Variants in ZFHX3 observed in about 807,000 individuals in gnomAD.
ZFHX3 encodes the protein zinc finger homeobox protein 3.
Under a neutral mutation model 279.1 loss-of-function variants are expected in ZFHX3, and 42 were observed. That is an observed-to-expected ratio of 0.15 (90% CI 0.12 to 0.19). The LOEUF (loss-of-function observed/expected upper bound fraction) is 0.19, where lower values mean the gene tolerates loss of function less well. ZFHX3 is among the 10% of genes least tolerant of loss of function. The pLI is 1.00. For synonymous variants in ZFHX3, 2,293 were observed against 1,957.8 expected, an observed-to-expected ratio of 1.17 and a Z score of -4.52; for missense variants, 4,981 against 4,754.0, an observed-to-expected ratio of 1.05 and a Z score of -1.40.
At chr16:73,441,525 C>G (rs1452750437) in intron 3 of ZFHX3, among the ~76,000 whole-genome samples, 2 of 152,184 alleles carry the variant, frequency 1.3e-5, no homozygotes, top group Admixed American at 1.3e-4. Context: ...AGCCCAAAAC[C>G]TGCCTCCCAA....
intron 4 of ZFHX3, among the ~76,000 whole-genome samples, chr16:72,878,170 T>C (rs922455923): frequency 2.0e-5 from 3 of 152,050 alleles, no homozygotes; most frequent in Non-Finnish European, 4.4e-5. Flanking sequence ...GTAAAGACCC[T>C]GTCTCTACAA....
At chr16:73,839,519 A>AAAAATC (rs1410679121) in intron 1 of ZFHX3, among the ~76,000 whole-genome samples, 2 of 152,112 alleles carry the variant, frequency 1.3e-5, no homozygotes, top group African/African-American at 4.8e-5. Flanking sequence ...ACTATGATGA[A>AAAAATC]AAAATCAAAT....
intron 1 of ZFHX3, among the ~76,000 whole-genome samples, chr16:73,730,821 A>G (rs1279421426): frequency 1.3e-5 from 2 of 152,202 alleles, no homozygotes; most frequent in East Asian, 3.9e-4. Flanking sequence ...GAGTGCAAGT[A>G]AGACAAGGGA....
At chr16:72,908,898 A>G (rs58787874) in intron 3 of ZFHX3, among the ~76,000 whole-genome samples, 1 of 152,224 alleles carries the variant, frequency 6.6e-6, no homozygotes, top group Non-Finnish European at 1.5e-5. Context: ...TTGAGAAAGC[A>G]TTCAGATTTT....
intron 4 of ZFHX3, among the ~76,000 whole-genome samples, chr16:73,270,306 C>T (rs148971911): frequency 4.8e-4 from 73 of 152,286 alleles, no homozygotes; most frequent in African/African-American, 1.7e-3. Context: ...TCTCATGCAA[C>T]TTATTTTAGT....
Position 73,455,022 on chromosome 16 carries a change from C to T in ZFHX3, c.-1291+981G>A, listed in dbSNP as rs79946945. 2.0e-3 allele frequency among the ~76,000 whole-genome samples: 305 copies of T among 152,196 alleles called. 1 individual carries two copies. The highest frequency in any genetic ancestry group is 3.4e-3 in the Non-Finnish European group (230 of 68,000). ...AAGAACATGCTACTTATTTTTCACA[C>T]GATTTACAAATGGAAGCTTGTCATT... On this transcript the variant is annotated intron_variant, in intron 3 of 17. Transcript: ENST00000641206.
chr16:72,840,679 A>G (rs1052679353), intron 4 of ZFHX3, among the ~76,000 whole-genome samples: 5 of 152,228 alleles, frequency 3.3e-5, no homozygotes, highest in African/African-American at 1.2e-4. Context: ...CAGCGTCTGA[A>G]GAATCTCTAA....
chr16:73,348,540 C>G (rs192357409), intron 3 of ZFHX3, among the ~76,000 whole-genome samples: 2 of 152,176 alleles, frequency 1.3e-5, no homozygotes, highest in Non-Finnish European at 2.9e-5. Context: ...TTTCCACGGG[C>G]GTTTCTACTG....
At chr16:73,321,575 C>T (rs775731982) in intron 3 of ZFHX3, among the ~76,000 whole-genome samples, 6 of 152,150 alleles carry the variant, frequency 3.9e-5, no homozygotes, top group Admixed American at 3.3e-4. Flanking sequence ...GATAAGCTCC[C>T]GAACAACAGG....
At chr16:73,245,807 ACT>A (rs1323001025) in intron 5 of ZFHX3, among the ~76,000 whole-genome samples, 6 of 151,946 alleles carry the variant, frequency 3.9e-5, no homozygotes, top group Non-Finnish European at 8.8e-5. Flanking sequence ...ACTACTTTAA[ACT>A]CTTAGTAATT....
intron 1 of ZFHX3, among the ~76,000 whole-genome samples, chr16:73,715,142 G>A (rs1482505155): frequency 6.6e-6 from 1 of 152,020 alleles, no homozygotes; most frequent in Non-Finnish European, 1.5e-5. Context: ...GATGGTTCTC[G>A]GCTAAAATTC....
At chr16:73,790,264 T>C (rs1959782405) in intron 1 of ZFHX3, among the ~76,000 whole-genome samples, 1 of 151,064 alleles carries the variant, frequency 6.6e-6, no homozygotes, top group African/African-American at 2.4e-5. Flanking sequence ...AAAGGGAGTG[T>C]CTTTTTTTTT....
At chr16:72,949,116 C>T (rs888175849) in intron 3 of ZFHX3, among the ~76,000 whole-genome samples, 2 of 152,210 alleles carry the variant, frequency 1.3e-5, no homozygotes, top group Non-Finnish European at 2.9e-5. Flanking sequence ...GGCCTCCCCA[C>T]ATCCTGAGAA....
At chr16:73,556,323 G>C (rs11866431) in intron 2 of ZFHX3, among the ~76,000 whole-genome samples, 6,557 of 152,150 alleles carry the variant, frequency 0.043, 503 homozygotes, top group African/African-American at 0.15. Flanking sequence ...AGTGGGGAGG[G>C]GGGTGGCGGA....
At chr16:73,069,250 A>G (rs2144752983) in intron 8 of ZFHX3, among the ~76,000 whole-genome samples, 1 of 152,304 alleles carries the variant, frequency 6.6e-6, no homozygotes, top group Non-Finnish European at 1.5e-5. Flanking sequence ...AGGGGTATCA[A>G]ATATCTGTCT....
At chr16:73,167,837 C>A (rs899723437) in intron 5 of ZFHX3, among the ~76,000 whole-genome samples, 2 of 152,188 alleles carry the variant, frequency 1.3e-5, no homozygotes, top group Non-Finnish European at 2.9e-5. Flanking sequence ...CCCGCTTGAA[C>A]CTTTTCAGAC....
chr16:73,088,949 C>T (rs1966041074), intron 8 of ZFHX3, among the ~76,000 whole-genome samples: 1 of 152,118 alleles, frequency 6.6e-6, no homozygotes, highest in Non-Finnish European at 1.5e-5. Context: ...AAGCACGAGG[C>T]AGAAAGGCAC....
chr16:73,230,458 C>T (rs1263484847), intron 5 of ZFHX3, among the ~76,000 whole-genome samples: 2 of 152,144 alleles, frequency 1.3e-5, no homozygotes, highest in East Asian at 3.8e-4. Context: ...CATGAGTGTG[C>T]CATGATTAGG....
intron 5 of ZFHX3, among the ~76,000 whole-genome samples, chr16:73,176,389 G>A (rs759117850): frequency 6.6e-6 from 1 of 152,166 alleles, no homozygotes. Context: ...GAAGTCAAGT[G>A]CAGGTGAAAG....
Sources: gnomAD v4.1 joint callset for allele counts (sites outside exome capture counted in the v4.1 genomes callset) on GRCh38, gnomAD v4.1.1 for gene constraint, MANE v1.5 for transcripts, NCBI Gene and HGNC (gene_info 2026-07-23, HGNC 2026-07-21) for gene names.